Variants in JAK1 observed in about 807,000 individuals in gnomAD.
The protein encoded by JAK1 is tyrosine-protein kinase JAK1.
A neutral mutation model predicts 136.6 loss-of-function variants in JAK1; 16 were observed. The observed-to-expected ratio is 0.12, with a 90% CI of 0.08 to 0.18. The LOEUF (loss-of-function observed/expected upper bound fraction) is 0.18. Ranked by LOEUF, JAK1 falls within the 10% of genes least tolerant of loss-of-function variation. JAK1 has a pLI of 1.00. For synonymous variants in JAK1, 492 were observed against 519.5 expected, an observed-to-expected ratio of 0.95 and a Z score of 0.72; for missense variants, 859 against 1,450.1, an observed-to-expected ratio of 0.59 and a Z score of 6.62.
intron 17 of JAK1, among the ~76,000 whole-genome samples, chr1:64,843,704 T>C (rs4916005): frequency 0.2 from 30,274 of 151,408 alleles, 3,394 homozygotes; most frequent in East Asian, 0.29. Context: ...TGATACACAA[T>C]AGGAACTCCA....
chr1:64,860,826 C>CTCTGTGTGTGTGTG (rs1362599251), intron 8 of JAK1, among the ~76,000 whole-genome samples: 1 of 120,578 alleles, frequency 8.3e-6, no homozygotes, highest in Non-Finnish European at 1.8e-5. Context: ...TCAGATGACT[C>CTCTGTGTGTGTGTG]TGTGTGTGTG....
intron 10 of JAK1, among the ~76,000 whole-genome samples, chr1:64,857,258 A>C (rs1253063617): frequency 6.6e-6 from 1 of 152,250 alleles, no homozygotes; most frequent in Non-Finnish European, 1.5e-5. Flanking sequence ...GGTTTGTACC[A>C]GTGAATGCTG....
At chr1:65,052,545 G>A (rs1198387512) in intron 1 of JAK1, among the ~76,000 whole-genome samples, 2 of 152,086 alleles carry the variant, frequency 1.3e-5, no homozygotes, top group African/African-American at 2.4e-5. Context: ...GGGCGCAGTG[G>A]CTCATGCCTG....
chr1:65,044,868 TTC>T (rs1647170666), intron 1 of JAK1, among the ~76,000 whole-genome samples: 1 of 152,248 alleles, frequency 6.6e-6, no homozygotes. Context: ...CTGAGTTTGA[TTC>T]TCTGTTTGTA....
intron 2 of JAK1, among the ~76,000 whole-genome samples, chr1:64,989,136 C>T (rs946242398): frequency 2.4e-4 from 36 of 148,538 alleles, no homozygotes; most frequent in Non-Finnish European, 4.6e-4. Flanking sequence ...ACCAGCCTGG[C>T]CAACATGGTC....
intron 1 of JAK1, among the ~76,000 whole-genome samples, chr1:64,957,148 G>A (rs1452315999): frequency 6.6e-6 from 1 of 152,174 alleles, no homozygotes; most frequent in Non-Finnish European, 1.5e-5. Flanking sequence ...GGGAGGAAGT[G>A]AAGGTTTTCA....
At chr1:65,026,476 TCAAAG>T (rs1646978595) in intron 2 of JAK1, among the ~76,000 whole-genome samples, 1 of 152,112 alleles carries the variant, frequency 6.6e-6, no homozygotes, top group Non-Finnish European at 1.5e-5. Flanking sequence ...GCTTCCCCTC[TCAAAG>T]CACGCTGCCC....
At chr1:65,039,498 T>C (rs1647110158) in intron 2 of JAK1, among the ~76,000 whole-genome samples, 1 of 152,214 alleles carries the variant, frequency 6.6e-6, no homozygotes, top group Non-Finnish European at 1.5e-5. Flanking sequence ...AAACTGTGGC[T>C]TCGAGAGGTT....
At chr1:65,006,869 G>C (rs1379582482) in intron 2 of JAK1, among the ~76,000 whole-genome samples, 1 of 152,100 alleles carries the variant, frequency 6.6e-6, no homozygotes, top group Non-Finnish European at 1.5e-5. Context: ...AGCTAAGTAA[G>C]TTTTGTCATC....
At chr1:64,924,694 A>G (rs903996468) in intron 1 of JAK1, among the ~76,000 whole-genome samples, 5 of 152,206 alleles carry the variant, frequency 3.3e-5, no homozygotes, top group African/African-American at 1.2e-4. Context: ...CAGAATCAGT[A>G]TCTTCAGCAA....
Position 64,869,429 on chromosome 1 carries a change from T to C in JAK1, c.529A>G (p.Lys177Glu), listed in dbSNP as rs1656933184. ...ATATCATGTCCATCCTGCTCGGTCT[T>C]GGGGTCTCGAATAGGAGCCAGGCAT... ...VKCLAPIRDP[K>E]TEQDGHDIEN... The change falls in exon 6 of 25, where the codon AAG becomes GAG. Residue 177 changes from lysine to glutamate, a missense_variant. This residue lies in a region of JAK1 where 353 missense variants were observed against 494.0 expected (regional missense o/e 0.71). Transcript: ENST00000342505. The C allele has an allele frequency of 1.9e-6, 3 of 1,614,004 alleles. No individual in the cohort carries two copies. In the East Asian group the frequency reaches 6.7e-5, roughly 36 times the overall value.
At chr1:64,975,415 G>A (rs1646489966) in intron 2 of JAK1, among the ~76,000 whole-genome samples, 1 of 152,164 alleles carries the variant, frequency 6.6e-6, no homozygotes, top group Non-Finnish European at 1.5e-5. Context: ...GCACTTTCAT[G>A]GTGGCCACAT....
intron 2 of JAK1, among the ~76,000 whole-genome samples, chr1:65,025,661 A>AT (rs780398967): frequency 2.8e-5 from 4 of 143,350 alleles, no homozygotes; most frequent in Non-Finnish European, 6.0e-5. Context: ...TTACAAATCA[A>AT]TTTTTTTCTT....
chr1:64,988,405 T>C (rs1646619689), intron 2 of JAK1, among the ~76,000 whole-genome samples: 1 of 152,166 alleles, frequency 6.6e-6, no homozygotes, highest in Non-Finnish European at 1.5e-5. Flanking sequence ...CATTTAACCA[T>C]TTAATTATTT....
chr1:64,835,178 T>A (rs148001157), intron 24 of JAK1, among the ~76,000 whole-genome samples: 12 of 152,356 alleles, frequency 7.9e-5, no homozygotes, highest in African/African-American at 2.9e-4. Flanking sequence ...GGCTGGCTTT[T>A]GGAGGGAATC....
chr1:64,852,999 CA>C (rs1224825833), intron 11 of JAK1, among the ~76,000 whole-genome samples: 1 of 152,182 alleles, frequency 6.6e-6, no homozygotes, highest in African/African-American at 2.4e-5. Flanking sequence ...CCGTCACGCC[CA>C]CTCTGAATGG....
At chr1:64,863,083 C>G (rs11208531) in intron 8 of JAK1, among the ~76,000 whole-genome samples, 7,652 of 142,222 alleles carry the variant, frequency 0.054, 280 homozygotes, top group Admixed American at 0.14. Context: ...GCATATAACA[C>G]AGGGCCTAAT....
chr1:64,937,290 C>T (rs185877560), intron 1 of JAK1, among the ~76,000 whole-genome samples: 37 of 152,342 alleles, frequency 2.4e-4, no homozygotes, highest in Admixed American at 1.8e-3. Context: ...GAGAGCTCCA[C>T]AGCATTCTTC....
intron 1 of JAK1, among the ~76,000 whole-genome samples, chr1:64,896,397 G>T (rs915602142): frequency 6.6e-6 from 1 of 152,162 alleles, no homozygotes; most frequent in African/African-American, 2.4e-5. Context: ...ACAGACTCCA[G>T]CCACGGAGCT....
Sources: gnomAD v4.1 joint callset for allele counts (sites outside exome capture counted in the v4.1 genomes callset) on GRCh38, gnomAD v4.1.1 for gene constraint, gnomAD v4.1.1 regional missense constraint, MANE v1.5 for transcripts, NCBI Gene and HGNC (gene_info 2026-07-23, HGNC 2026-07-21) for gene names.